IPO11: variants seen among roughly 807,000 people sequenced by gnomAD.
The protein encoded by IPO11 is importin 11, also known as importin-11.
A neutral mutation model predicts 143.2 loss-of-function variants in IPO11; 66 were observed. That is an observed-to-expected ratio of 0.46 (90% CI 0.38 to 0.57). The LOEUF (loss-of-function observed/expected upper bound fraction) is 0.57. Ranked by LOEUF, IPO11 falls within the 20% of genes least tolerant of loss-of-function variation. The pLI is 0.00. For missense variants in IPO11, 1,026 were observed against 1,141.0 expected, an observed-to-expected ratio of 0.90 and a Z score of 1.45; for synonymous variants, 385 against 377.8, an observed-to-expected ratio of 1.02 and a Z score of -0.22.
intron 3 of IPO11, among the ~76,000 whole-genome samples, chr5:62,446,681 C>T (rs565674069): frequency 4.6e-4 from 70 of 152,220 alleles, no homozygotes; most frequent in African/African-American, 1.4e-3. Context: ...CAAATATCTT[C>T]TCCTAGGCCA....
intron 21 of IPO11, among the ~76,000 whole-genome samples, chr5:62,527,502 A>T (rs1742406788): frequency 6.6e-6 from 1 of 152,246 alleles, no homozygotes; most frequent in African/African-American, 2.4e-5. Flanking sequence ...AAGATAAAAT[A>T]TTAATTCCTG....
intron 1 of IPO11, among the ~76,000 whole-genome samples, chr5:62,429,111 A>G (rs1246013457): frequency 6.6e-6 from 1 of 152,232 alleles, no homozygotes; most frequent in African/African-American, 2.4e-5. Flanking sequence ...TTGTGCAACC[A>G]TCATTACAGT....
intron 20 of IPO11, among the ~76,000 whole-genome samples, chr5:62,518,898 T>A (rs1362859439): frequency 6.6e-6 from 1 of 152,226 alleles, no homozygotes; most frequent in Non-Finnish European, 1.5e-5. Flanking sequence ...GGCACTGGGC[T>A]ACAGAATACA....
At chr5:62,455,006 G>T (rs1302808545) in intron 5 of IPO11, among the ~76,000 whole-genome samples, 1 of 152,194 alleles carries the variant, frequency 6.6e-6, no homozygotes, top group Non-Finnish European at 1.5e-5. Flanking sequence ...CCTGGAGATA[G>T]GGACTAAAGT....
chr5:62,607,800 C>CTT (rs753761939), intron 29 of IPO11, among the ~76,000 whole-genome samples: 38 of 142,122 alleles, frequency 2.7e-4, no homozygotes, highest in Non-Finnish European at 3.1e-4. Context: ...TGCCACATCT[C>CTT]TTTTTTTTTT....
At chr5:62,583,281 G>C (rs1019286760) in intron 27 of IPO11, among the ~76,000 whole-genome samples, 2 of 152,072 alleles carry the variant, frequency 1.3e-5, no homozygotes, top group African/African-American at 4.8e-5. Flanking sequence ...ACATAAGGTA[G>C]GCTGAAAACT....
At chr5:62,597,608 A>C (rs1177326479) in intron 28 of IPO11, among the ~76,000 whole-genome samples, 1 of 152,066 alleles carries the variant, frequency 6.6e-6, no homozygotes, top group African/African-American at 2.4e-5. Flanking sequence ...AAAAGATTAC[A>C]ATCTCTACAC....
intron 5 of IPO11, among the ~76,000 whole-genome samples, chr5:62,459,434 A>G (rs1225142542): frequency 6.6e-6 from 1 of 152,154 alleles, no homozygotes; most frequent in African/African-American, 2.4e-5. Context: ...AGACATCAGC[A>G]GTTTGGCTGG....
At chr5:62,525,167 C>G (rs992716564) in intron 20 of IPO11, among the ~76,000 whole-genome samples, 4 of 152,158 alleles carry the variant, frequency 2.6e-5, no homozygotes, top group African/African-American at 9.6e-5. Flanking sequence ...CATCCTTTTT[C>G]CTTTCCTGTA....
At chr5:62,564,318 T>C (rs919722005) in intron 27 of IPO11, among the ~76,000 whole-genome samples, 2 of 152,178 alleles carry the variant, frequency 1.3e-5, no homozygotes, top group Non-Finnish European at 2.9e-5. Context: ...TGTTTCCTAT[T>C]TGTAACCTTT....
At chr5:62,621,956 A>G (rs1174539449) in intron 29 of IPO11, among the ~76,000 whole-genome samples, 1 of 152,142 alleles carries the variant, frequency 6.6e-6, no homozygotes, top group Non-Finnish European at 1.5e-5. Context: ...CAGTGAGTCT[A>G]AAGGAGAAAG....
chr5:62,510,890 G>A (rs1311755207), intron 19 of IPO11, among the ~76,000 whole-genome samples: 2 of 151,956 alleles, frequency 1.3e-5, no homozygotes, highest in Non-Finnish European at 2.9e-5. Context: ...ACGCCACCAT[G>A]CCTGGCTAAT....
At chr5:62,521,444 T>A (rs920709362) in intron 20 of IPO11, among the ~76,000 whole-genome samples, 2 of 152,200 alleles carry the variant, frequency 1.3e-5, no homozygotes, top group Non-Finnish European at 2.9e-5. Context: ...GGAGCCATTC[T>A]AATTCTTGAT....
In IPO11 at chr5:62,579,588, C is replaced by A. The variant is rs907199434; in HGVS notation, c.2583-11989C>A. 12 of 1,550,930 alleles carry A rather than the reference C, an allele frequency of 7.7e-6. No homozygotes were observed. The East Asian group carries it at 2.0e-4, about 25-fold the overall frequency. On this transcript the variant is annotated intron_variant, in intron 27 of 29. Transcript: ENST00000325324. The stretch of plus-strand genomic sequence containing the variant: ...GACAAATTAACTGCCGTAACTTAGG[C>A]CTTTCGAGTATTCCTAAGAATTTTC...
At chr5:62,611,691 G>T (rs561093677) in intron 29 of IPO11, among the ~76,000 whole-genome samples, 26 of 152,248 alleles carry the variant, frequency 1.7e-4, no homozygotes, top group African/African-American at 5.8e-4. Flanking sequence ...TGGCAACATG[G>T]TATTGGCTCA....
At chr5:62,619,120 T>G (rs1368406723) in intron 29 of IPO11, among the ~76,000 whole-genome samples, 4 of 152,072 alleles carry the variant, frequency 2.6e-5, no homozygotes, top group African/African-American at 9.7e-5. Context: ...CTCCTTGAAT[T>G]TGAATGGCTG....
chr5:62,545,859 A>G (rs1743154887), intron 24 of IPO11, among the ~76,000 whole-genome samples: 1 of 152,244 alleles, frequency 6.6e-6, no homozygotes, highest in South Asian at 2.1e-4. Context: ...GCCCATCATC[A>G]CTGGCCATCA....
intron 26 of IPO11, among the ~76,000 whole-genome samples, chr5:62,553,927 C>T (rs551712887): frequency 6.6e-6 from 1 of 151,950 alleles, no homozygotes; most frequent in Non-Finnish European, 1.5e-5. Context: ...TATGGGATTT[C>T]ACCATGTTGG....
chr5:62,443,428 T>TGCGTGTGC (rs775751213), intron 3 of IPO11: 1 of 165,488 alleles, frequency 6.0e-6, no homozygotes, highest in Non-Finnish European at 1.3e-5. Context: ...TGTGCGTGTG[T>TGCGTGTGC]GCGTGTGCGT....
Sources: allele counts gnomAD v4.1 joint callset (sites outside exome capture counted in the v4.1 genomes callset), GRCh38; gene constraint gnomAD v4.1.1; transcripts MANE v1.5; gene names NCBI Gene and HGNC (gene_info 2026-07-23, HGNC 2026-07-21).